Variants in TAF3 observed in about 807,000 individuals in gnomAD.
The protein encoded by TAF3 is transcription initiation factor TFIID subunit 3.
A neutral mutation model predicts 80.6 loss-of-function variants in TAF3; 7 were observed. The observed-to-expected ratio is 0.09, with a 90% CI of 0.05 to 0.16. The LOEUF is 0.16. TAF3 is among the 10% of genes least tolerant of loss of function. The pLI is 1.00. For synonymous variants in TAF3, 444 were observed against 446.1 expected (o/e 1.00, Z 0.06); for missense variants, 921 against 1,140.2 (o/e 0.81, Z 2.77).
intron 2 of TAF3, among the ~76,000 whole-genome samples, chr10:7,927,377 G>C (rs1837825998): frequency 6.6e-6 from 1 of 152,192 alleles, no homozygotes; most frequent in Non-Finnish European, 1.5e-5. Context: ...CACTCAAGTA[G>C]TCCTTTGCTA....
chr10:7,893,099 C>T (rs1257348493), intron 2 of TAF3, among the ~76,000 whole-genome samples: 7 of 152,130 alleles, frequency 4.6e-5, no homozygotes, highest in Middle Eastern at 3.4e-3. Flanking sequence ...GGATTATAGG[C>T]GTGAGCCACC....
At chr10:7,847,870 T>G (rs927189521) in intron 2 of TAF3, among the ~76,000 whole-genome samples, 1 of 152,152 alleles carries the variant, frequency 6.6e-6, no homozygotes, top group Non-Finnish European at 1.5e-5. Flanking sequence ...TGGGTTCAAG[T>G]GATTCTCCTG....
At chr10:7,876,927 C>T (rs1837317625) in intron 2 of TAF3, among the ~76,000 whole-genome samples, 1 of 152,076 alleles carries the variant, frequency 6.6e-6, no homozygotes, top group African/African-American at 2.4e-5. Context: ...TGATTTGCTG[C>T]CTTTATCTTT....
At chr10:7,951,662 G>T (rs547564789) in intron 2 of TAF3, among the ~76,000 whole-genome samples, 2 of 152,206 alleles carry the variant, frequency 1.3e-5, no homozygotes, top group Non-Finnish European at 2.9e-5. Flanking sequence ...ATGCAGGGAG[G>T]GGAAGAATGT....
At chr10:7,929,527 A>G (rs1480036573) in intron 2 of TAF3, among the ~76,000 whole-genome samples, 8 of 152,078 alleles carry the variant, frequency 5.3e-5, no homozygotes, top group Non-Finnish European at 1.0e-4. Flanking sequence ...CCTCCAGGTT[A>G]GCTGAGACTA....
chr10:7,985,318 T>C (rs1455903219), intron 4 of TAF3, among the ~76,000 whole-genome samples: 3 of 152,190 alleles, frequency 2.0e-5, no homozygotes, highest in Admixed American at 6.5e-5. Context: ...CCTCAGCTGC[T>C]GGCCTCCATT....
At chr10:7,879,132 T>C (rs562943321) in intron 2 of TAF3, among the ~76,000 whole-genome samples, 2 of 152,346 alleles carry the variant, frequency 1.3e-5, no homozygotes, top group East Asian at 3.9e-4. Flanking sequence ...ATGTTTAATA[T>C]GGCCATGTTT....
chr10:7,964,156 C>G lies in TAF3; in HGVS notation c.646C>G (p.Leu216Val), dbSNP rs1831541990. Reference protein sequence around the residue: ...DVVLLEAREPLSSINTQKIPP... With the variant: ...DVVLLEAREPVSSINTQKIPP... ...TGTGTTATTGGAAGCTCGAGAGCCA[C>G]TCAGCTCAATAAATACTCAAAAGAT... Residue 216 changes from leucine to valine, a missense_variant, in exon 3 of 7, where the codon CTC (leucine) becomes GTC (valine). This residue lies in a region of TAF3 where 743 missense variants were observed against 821.0 expected (regional missense o/e 0.90). Transcript: ENST00000344293. The surrounding 1 kb of genome is among the most constrained non-coding windows in gnomAD (Gnocchi z 4.1). The G allele has an allele frequency of 1.9e-6, 3 of 1,614,152 alleles. No homozygotes were observed. Among genetic ancestry groups the G allele is most frequent in the Non-Finnish European group, 2.5e-6 (3 of 1,180,032 alleles).
chr10:7,940,185 T>A (rs539269957), intron 2 of TAF3, among the ~76,000 whole-genome samples: 1 of 152,298 alleles, frequency 6.6e-6, no homozygotes, highest in South Asian at 2.1e-4. Context: ...AATTTCAACC[T>A]TAAATTCTAT....
intron 2 of TAF3, among the ~76,000 whole-genome samples, chr10:7,908,754 C>G (rs1041420895): frequency 6.6e-6 from 1 of 152,210 alleles, no homozygotes; most frequent in Admixed American, 6.5e-5. Context: ...ACAGGGAAAC[C>G]TGATATGTAA....
intron 2 of TAF3, among the ~76,000 whole-genome samples, chr10:7,842,411 T>A (rs1429240387): frequency 6.6e-5 from 10 of 152,096 alleles, no homozygotes; most frequent in Non-Finnish European, 2.9e-5. Context: ...CTTCCAGCGT[T>A]GGCCTCCCAA....
At chr10:7,918,215 G>A (rs1837730231) in intron 2 of TAF3, among the ~76,000 whole-genome samples, 1 of 152,176 alleles carries the variant, frequency 6.6e-6, no homozygotes, top group Non-Finnish European at 1.5e-5. Flanking sequence ...GGGGAAAGGA[G>A]AAGGGGCGTG....
intron 2 of TAF3, chr10:7,833,469 G>A (rs536234669): frequency 6.6e-6 from 1 of 152,260 alleles, no homozygotes; most frequent in Admixed American, 6.5e-5. Context: ...ATTTTTTCAT[G>A]TATTTGTTGG....
chr10:7,965,860 A>C (rs1831566468), intron 3 of TAF3, 118 bp downstream of exon 3: 4 of 1,364,610 alleles, frequency 2.9e-6, no homozygotes, highest in Non-Finnish European at 3.8e-6. Flanking sequence ...CTTAAGTGGA[A>C]ATATGTTTAT....
At chr10:7,922,324 A>T (rs918260927) in intron 2 of TAF3, among the ~76,000 whole-genome samples, 1 of 152,072 alleles carries the variant, frequency 6.6e-6, no homozygotes, top group African/African-American at 2.4e-5. Flanking sequence ...GTTTCATAGA[A>T]TCAGAGGACC....
At chr10:7,930,559 T>C (rs1233362230) in intron 2 of TAF3, among the ~76,000 whole-genome samples, 1 of 152,230 alleles carries the variant, frequency 6.6e-6, no homozygotes, top group Non-Finnish European at 1.5e-5. Context: ...TCTTTTTGTT[T>C]AGTTAATGGG....
intron 2 of TAF3, among the ~76,000 whole-genome samples, chr10:7,961,970 C>T (rs572345039): frequency 2.2e-4 from 33 of 152,246 alleles, no homozygotes; most frequent in Admixed American, 3.9e-4. Flanking sequence ...GCACCTCAGT[C>T]TCCCAGGTAG....
intron 2 of TAF3, among the ~76,000 whole-genome samples, chr10:7,914,265 G>C (rs1413010194): frequency 6.6e-6 from 1 of 152,206 alleles, no homozygotes; most frequent in Admixed American, 6.5e-5. Context: ...TCCGAGATTT[G>C]TGTTAAACGA....
Position 7,973,634 on chromosome 10 carries a change from A to C in TAF3, c.2233-3607A>C, listed in dbSNP as rs74381490. Among the ~76,000 whole-genome samples, 706 of 152,310 alleles carry C rather than the reference A, an allele frequency of 4.6e-3. 6 individuals carry two copies. Among genetic ancestry groups the C allele is most frequent in the East Asian group, 0.028 (146 of 5,184 alleles). ...TCTACCCTACATGTTTGTTTTTTAA[A>C]AACCTTAATGAGCACATTGGGAATA... is the stretch of plus-strand genomic sequence containing the variant. On this transcript the variant is annotated intron_variant, in intron 3 of 6. Transcript: ENST00000344293.
Sources: gnomAD v4.1 joint callset for allele counts (sites outside exome capture counted in the v4.1 genomes callset) on GRCh38, gnomAD v4.1.1 for gene constraint, gnomAD v4.1.1 regional missense constraint, Gnocchi (gnomAD v3.1) non-coding constraint, MANE v1.5 for transcripts, NCBI Gene and HGNC (gene_info 2026-07-23, HGNC 2026-07-21) for gene names.